RFX4: variants seen among roughly 807,000 people sequenced by gnomAD.
The protein encoded by RFX4 is regulatory factor X4.
RFX4 carries 10 observed loss-of-function variants against 95.0 expected under a neutral mutation model. That is an observed-to-expected ratio of 0.11 (90% CI 0.06 to 0.18). RFX4 has a LOEUF of 0.18. Among genes scored for constraint, RFX4 ranks in the 10% least tolerant of loss-of-function variants. The pLI, the probability that RFX4 is intolerant of heterozygous loss-of-function variation, is 1.00. For missense variants in RFX4, 640 were observed against 922.0 expected, an observed-to-expected ratio of 0.69 and a Z score of 3.96; for synonymous variants, 321 against 340.7, an observed-to-expected ratio of 0.94 and a Z score of 0.64.
intron 13 of RFX4, among the ~76,000 whole-genome samples, chr12:106,723,461 A>G (rs1160095557): frequency 6.6e-6 from 1 of 152,242 alleles, no homozygotes; most frequent in African/African-American, 2.4e-5. Context: ...ACTGTTATGA[A>G]CATCTGGAAG....
At chr12:106,683,814 CAG>C (rs970140256) in intron 5 of RFX4, 1 of 152,198 alleles carries the variant, frequency 6.6e-6, no homozygotes, top group Non-Finnish European at 1.5e-5. Context: ...CCTGCATAAA[CAG>C]AGAAAATTTC....
At chr12:106,591,574 C>T (rs1273748938) in intron 1 of RFX4, among the ~76,000 whole-genome samples, 1 of 152,136 alleles carries the variant, frequency 6.6e-6, no homozygotes, top group Non-Finnish European at 1.5e-5. Context: ...CTAAAATAAT[C>T]TTTTAAACTG....
intron 1 of RFX4, among the ~76,000 whole-genome samples, chr12:106,584,983 G>A (rs1281221663): frequency 6.6e-6 from 1 of 152,242 alleles, no homozygotes; most frequent in Non-Finnish European, 1.5e-5. Flanking sequence ...GCGGTAAAGC[G>A]GGAGCCCAGA....
chr12:106,746,106 C>T (rs536947760), intron 15 of RFX4, among the ~76,000 whole-genome samples: 2 of 152,028 alleles, frequency 1.3e-5, no homozygotes, highest in African/African-American at 4.8e-5. Context: ...GCCTGTAATC[C>T]CAGTACTTTG....
chr12:106,761,064 A>C, intron 17 of RFX4, 133 bp from the exon 18 acceptor site: 1 of 978,416 alleles, frequency 1.0e-6, no homozygotes, highest in Non-Finnish European at 1.5e-6. Flanking sequence ...GTAGAAGTTC[A>C]GTGATTCTTC....
intron 2 of RFX4, among the ~76,000 whole-genome samples, chr12:106,621,147 C>T (rs1295507855): frequency 2.0e-5 from 3 of 152,214 alleles, no homozygotes; most frequent in African/African-American, 4.8e-5. Context: ...CGTACATCCT[C>T]AGCTTACGAA....
intron 8 of RFX4, among the ~76,000 whole-genome samples, chr12:106,697,506 C>T (rs1466014570): frequency 6.6e-6 from 1 of 150,756 alleles, no homozygotes; most frequent in Non-Finnish European, 1.5e-5. Flanking sequence ...TAACAAATTA[C>T]CACAAACTGG....
At chr12:106,663,333 T>C (rs1345354981) in intron 4 of RFX4, among the ~76,000 whole-genome samples, 1 of 152,056 alleles carries the variant, frequency 6.6e-6, no homozygotes, top group East Asian at 1.9e-4. Context: ...TAAATAGTAT[T>C]GTGTTTTCAA....
At chr12:106,699,254 C>T (rs1484320630) in intron 8 of RFX4, among the ~76,000 whole-genome samples, 5 of 151,836 alleles carry the variant, frequency 3.3e-5, no homozygotes, top group Non-Finnish European at 7.4e-5. Context: ...GTTTAATTCC[C>T]TTCTGGTCAT....
chr12:106,658,372 T>C (rs923749385), intron 4 of RFX4, among the ~76,000 whole-genome samples: 9 of 152,172 alleles, frequency 5.9e-5, no homozygotes, highest in African/African-American at 2.2e-4. Context: ...GCTCTGATGA[T>C]GATGTCTTCA....
intron 3 of RFX4, among the ~76,000 whole-genome samples, chr12:106,644,399 A>G (rs1275503200): frequency 2.0e-5 from 3 of 151,920 alleles, no homozygotes; most frequent in Non-Finnish European, 4.4e-5. Flanking sequence ...ACATCCAGCT[A>G]ATTTTTGTAT....
chr12:106,674,338 T>C (rs933013229), intron 4 of RFX4, among the ~76,000 whole-genome samples: 2 of 151,256 alleles, frequency 1.3e-5, no homozygotes, highest in Non-Finnish European at 2.9e-5. Context: ...TTCTTTCTTT[T>C]TTTTTTTTCC....
chr12:106,706,949 G>A (rs1044302495), intron 8 of RFX4, among the ~76,000 whole-genome samples: 24 of 152,272 alleles, frequency 1.6e-4, no homozygotes, highest in African/African-American at 4.6e-4. Context: ...TATTGTGTGC[G>A]TGTGTGTATA....
At chr12:106,758,967 C>A (rs1280825819) in intron 17 of RFX4, among the ~76,000 whole-genome samples, 2 of 152,168 alleles carry the variant, frequency 1.3e-5, no homozygotes, top group African/African-American at 4.8e-5. Context: ...TGTTCATTTG[C>A]CAACTATTAT....
chr12:106,691,661 G>A (rs1289437082), intron 7 of RFX4, among the ~76,000 whole-genome samples: 1 of 152,124 alleles, frequency 6.6e-6, no homozygotes, highest in East Asian at 1.9e-4. Context: ...AAATTATCTT[G>A]TTTGTTCACT....
chr12:106,601,726 C>A (rs1409259683), intron 1 of RFX4, among the ~76,000 whole-genome samples: 2 of 152,224 alleles, frequency 1.3e-5, no homozygotes, highest in South Asian at 4.1e-4. Flanking sequence ...GTGGGCCCGG[C>A]GGGCAAGGCC....
intron 5 of RFX4, chr12:106,684,867 G>A: frequency 8.1e-6 from 13 of 1,602,086 alleles, no homozygotes; most frequent in Non-Finnish European, 1.1e-5. Context: ...AAGGCATTCA[G>A]ATAGATTCGA....
chr12:106,684,140 G>A (rs777509450), intron 5 of RFX4, among the ~76,000 whole-genome samples: 14 of 152,148 alleles, frequency 9.2e-5, no homozygotes, highest in South Asian at 4.1e-4. Context: ...GCTGAGGCCC[G>A]TAGATCACTT....
intron 16 of RFX4, among the ~76,000 whole-genome samples, chr12:106,750,417 C>A (rs1366729280): frequency 7.0e-6 from 1 of 142,722 alleles, no homozygotes; most frequent in Non-Finnish European, 1.5e-5. Flanking sequence ...GCGGAGGTTG[C>A]AGTGAGCCAA....
Sources: allele counts gnomAD v4.1 joint callset (sites outside exome capture counted in the v4.1 genomes callset), GRCh38; gene constraint gnomAD v4.1.1; transcripts MANE v1.5; gene names NCBI Gene and HGNC (gene_info 2026-07-23, HGNC 2026-07-21).